Variants in FBXW11 observed in about 807,000 individuals in gnomAD.
FBXW11 encodes the protein F-box/WD repeat-containing protein 11.
Under a neutral mutation model 77.6 loss-of-function variants are expected in FBXW11, and 19 were observed. The ratio of observed to expected loss-of-function variants is 0.24; its 90% CI spans 0.17 to 0.36. The LOEUF (loss-of-function observed/expected upper bound fraction) is 0.36, where lower values mean the gene tolerates loss of function less well. Ranked by LOEUF, FBXW11 falls within the 10% of genes least tolerant of loss-of-function variation. FBXW11 has a pLI of 1.00. For missense variants in FBXW11, 334 were observed against 704.2 expected (o/e 0.47, Z 5.95); for synonymous variants, 235 against 249.4 (o/e 0.94, Z 0.54).
chr5:171,864,292 T>G (rs546410341), intron 13 of FBXW11, among the ~76,000 whole-genome samples, 191 bp from the exon 14 acceptor site: 1 of 152,300 alleles, frequency 6.6e-6, no homozygotes, highest in African/African-American at 2.4e-5. Flanking sequence ...ACAACAATCC[T>G]GTGAGGAAGA....
intron 7 of FBXW11, among the ~76,000 whole-genome samples, chr5:171,887,109 G>A (rs901733506): frequency 2.6e-5 from 4 of 152,186 alleles, no homozygotes; most frequent in African/African-American, 9.7e-5. Context: ...CTCTATTGTA[G>A]GCATTCTCAG....
intron 3 of FBXW11, among the ~76,000 whole-genome samples, chr5:171,913,818 TACACACAC>T (rs1161644281): frequency 0.019 from 1,251 of 65,302 alleles, 26 homozygotes; most frequent in African/African-American, 0.056. Flanking sequence ...CACACACACA[TACACACAC>T]ACACACACAC....
intron 6 of FBXW11, among the ~76,000 whole-genome samples, chr5:171,895,531 C>A (rs1447855412): frequency 1.3e-5 from 2 of 152,122 alleles, no homozygotes; most frequent in Non-Finnish European, 2.9e-5. Context: ...AAGAAGAGCA[C>A]TTCGGAGGCG....
At chr5:171,864,161 T>TAC (rs1398552844) in intron 13 of FBXW11, 60 bp from the exon 14 acceptor site, 2 of 152,144 alleles carry the variant, frequency 1.3e-5, no homozygotes, top group African/African-American at 4.8e-5. Flanking sequence ...TAGATGAGAA[T>TAC]ACACACACTC....
At chr5:172,006,092 G>A (rs1766743934) in intron 1 of FBXW11, among the ~76,000 whole-genome samples, 1 of 152,174 alleles carries the variant, frequency 6.6e-6, no homozygotes, top group South Asian at 2.1e-4. Flanking sequence ...GTGCGGGCCT[G>A]GGCCGAAACA....
intron 2 of FBXW11, among the ~76,000 whole-genome samples, chr5:171,954,021 G>A (rs1221565986): frequency 1.3e-5 from 2 of 152,174 alleles, no homozygotes. Flanking sequence ...CTCAATTCAC[G>A]TGATCCTCAC....
At chr5:171,972,945 T>C (rs1465060714) in intron 1 of FBXW11, among the ~76,000 whole-genome samples, 1 of 152,206 alleles carries the variant, frequency 6.6e-6, no homozygotes, top group Non-Finnish European at 1.5e-5. Context: ...AGCCAGGTTA[T>C]TGCTTCACCA....
chr5:171,901,037 C>G (rs1036509401), intron 4 of FBXW11, among the ~76,000 whole-genome samples: 1 of 152,090 alleles, frequency 6.6e-6, no homozygotes, highest in South Asian at 2.1e-4. Context: ...CAGAACTTAT[C>G]ATCAGAAAAT....
chr5:171,939,660 G>A (rs558252213), intron 2 of FBXW11, among the ~76,000 whole-genome samples: 131 of 133,948 alleles, frequency 9.8e-4, no homozygotes, highest in African/African-American at 3.3e-3. Context: ...TCGTGCCACC[G>A]CACTCCAACC....
chr5:171,867,445 G>A (rs1385727528), intron 13 of FBXW11, among the ~76,000 whole-genome samples: 1 of 150,216 alleles, frequency 6.7e-6, no homozygotes, highest in Non-Finnish European at 1.5e-5. Context: ...TTCTTAGCCT[G>A]TGGAGACAGG....
intron 6 of FBXW11, among the ~76,000 whole-genome samples, chr5:171,892,056 A>G (rs901163969): frequency 9.9e-5 from 15 of 152,234 alleles, no homozygotes; most frequent in Admixed American, 1.3e-4. Context: ...AGCCAACTAC[A>G]TAGGAAGAAT....
chr5:171,889,148 C>G (rs1367761299), intron 7 of FBXW11, among the ~76,000 whole-genome samples: 1 of 152,176 alleles, frequency 6.6e-6, no homozygotes, highest in African/African-American at 2.4e-5. Flanking sequence ...TTTACACATT[C>G]ATGAAGCTCA....
At chr5:171,947,684 C>T (rs1190599741) in intron 2 of FBXW11, among the ~76,000 whole-genome samples, 1 of 152,072 alleles carries the variant, frequency 6.6e-6, no homozygotes, top group Non-Finnish European at 1.5e-5. Flanking sequence ...TTATTGTATA[C>T]CCAGACAATG....
intron 2 of FBXW11, among the ~76,000 whole-genome samples, chr5:171,934,859 A>T (rs911784218): frequency 1.3e-5 from 2 of 152,158 alleles, no homozygotes; most frequent in Non-Finnish European, 2.9e-5. Context: ...AAAATAAAAT[A>T]AAAATAACCT....
chr5:171,892,331 T>C (rs1027789895), intron 6 of FBXW11, among the ~76,000 whole-genome samples: 3 of 152,196 alleles, frequency 2.0e-5, no homozygotes, highest in Non-Finnish European at 4.4e-5. Flanking sequence ...TACAATAACC[T>C]TGGAAGGAAG....
intron 3 of FBXW11, among the ~76,000 whole-genome samples, chr5:171,913,820 C>CACACACACACACACACAT (rs1752727484): frequency 1.5e-4 from 12 of 81,400 alleles, no homozygotes; most frequent in East Asian, 1.1e-3. Flanking sequence ...CACACACATA[C>CACACACACACACACACAT]ACACACACAC....
At chr5:171,991,593 T>A (rs1282862086) in intron 1 of FBXW11, among the ~76,000 whole-genome samples, 1 of 152,214 alleles carries the variant, frequency 6.6e-6, no homozygotes, top group Non-Finnish European at 1.5e-5. Context: ...CCATTTCCCA[T>A]CTTAACGTTT....
At chr5:171,932,283 T>TA (rs1762249826) in intron 2 of FBXW11, among the ~76,000 whole-genome samples, 1 of 151,972 alleles carries the variant, frequency 6.6e-6, no homozygotes, top group African/African-American at 2.4e-5. Context: ...AGATGACAAA[T>TA]AAACATGGAA....
rs575923157 is a variant in FBXW11 at position 171,876,827 on chromosome 5, T to A, written c.972-293A>T. Among the ~76,000 whole-genome samples, 2 of 152,236 alleles carry A rather than the reference T, an allele frequency of 1.3e-5. No individual in the cohort carries two copies. The highest frequency in any genetic ancestry group is 4.2e-4 in the South Asian group (2 of 4,816). Reference sequence around the variant, plus strand: ...AGAGCCTCCTAGCACCTCCTCCCTCTCTCTTGCTTCTCTCTCACATGTGAT... The same window carrying A: ...AGAGCCTCCTAGCACCTCCTCCCTCACTCTTGCTTCTCTCTCACATGTGAT... On this transcript the variant is annotated intron_variant, in intron 8 of 13. Coordinates refer to ENST00000517395, the MANE Select transcript of FBXW11 (RefSeq NM_001378974.1). This position sits in a 1 kb window ranked among gnomAD's most constrained non-coding sequence, Gnocchi z 4.2.
Sources: gnomAD v4.1 joint callset for allele counts (sites outside exome capture counted in the v4.1 genomes callset) on GRCh38, gnomAD v4.1.1 for gene constraint, Gnocchi (gnomAD v3.1) non-coding constraint, MANE v1.5 for transcripts, NCBI Gene and HGNC (gene_info 2026-07-23, HGNC 2026-07-21) for gene names.